Variants in DENND1A observed in about 807,000 individuals in gnomAD.
DENND1A encodes the protein DENN domain-containing protein 1A.
In DENND1A, 51 loss-of-function variants were observed where a neutral mutation model predicts 113.7. The ratio of observed to expected loss-of-function variants is 0.45; its 90% confidence interval spans 0.36 to 0.57. DENND1A has a LOEUF of 0.57. Ranked by LOEUF, DENND1A falls within the 20% of genes least tolerant of loss-of-function variation. The pLI is 0.00. For synonymous variants in DENND1A, 565 were observed against 570.8 expected (o/e 0.99, Z 0.14); for missense variants, 1,258 against 1,395.9 (o/e 0.90, Z 1.57).
At chr9:123,658,902 C>T (rs762883548) in intron 8 of DENND1A, among the ~76,000 whole-genome samples, 6 of 152,176 alleles carry the variant, frequency 3.9e-5, no homozygotes, top group East Asian at 1.9e-4. Context: ...GAGAGAGCCA[C>T]GGAGCCAGGG....
chr9:123,469,961 G>C (rs1049095691), intron 13 of DENND1A, among the ~76,000 whole-genome samples: 2 of 152,210 alleles, frequency 1.3e-5, no homozygotes, highest in African/African-American at 2.4e-5. Flanking sequence ...TTGATTAAGA[G>C]AGGTAATCAC....
In DENND1A at chr9:123,639,039, T is replaced by TAAAAAA. The variant is rs750972974; in HGVS notation, c.619-8569_619-8564dup. 3.3e-3 allele frequency among the ~76,000 whole-genome samples: 105 copies of TAAAAAA among 32,032 alleles called. 1 individual carries two copies. The highest frequency in any genetic ancestry group is 7.7e-3 in the African/African-American group (64 of 8,268). The allele number at this position is 32,032 out of a possible 152,430, so 21.0% of individuals were successfully genotyped here. ...TGAGTTACTAAATTTGCATGAGTAG[T>TAAAAAA]AAAAAAAAAAAAAAAAAAAAAAAAA... On this transcript the variant is annotated intron_variant, in intron 9 of 23. Coordinates refer to ENST00000394215, the MANE Select transcript of DENND1A (RefSeq NM_001352964.2).
chr9:123,604,464 G>A (rs1418224014), intron 11 of DENND1A, among the ~76,000 whole-genome samples: 3 of 152,156 alleles, frequency 2.0e-5, no homozygotes, highest in African/African-American at 7.2e-5. Flanking sequence ...AGAGCCCCTA[G>A]TATAAACATG....
chr9:123,792,277 A>T (rs919191222), intron 3 of DENND1A, among the ~76,000 whole-genome samples: 1 of 152,212 alleles, frequency 6.6e-6, no homozygotes, highest in Non-Finnish European at 1.5e-5. Flanking sequence ...AAAAGTTCAC[A>T]GGCAATGCAA....
intron 1 of DENND1A, among the ~76,000 whole-genome samples, chr9:123,882,339 A>T (rs1848440747): frequency 6.6e-6 from 1 of 150,594 alleles, no homozygotes; most frequent in Admixed American, 6.6e-5. Flanking sequence ...AAAAAAAAAA[A>T]ATCCCATTTG....
intron 1 of DENND1A, among the ~76,000 whole-genome samples, chr9:123,929,270 A>G (rs1365144726): frequency 6.6e-6 from 1 of 152,206 alleles, no homozygotes. Context: ...TCCAACGATT[A>G]TCAAGAGCAG....
chr9:123,413,107 C>T (rs1249755958), intron 19 of DENND1A, among the ~76,000 whole-genome samples: 2 of 152,186 alleles, frequency 1.3e-5, no homozygotes, highest in African/African-American at 4.8e-5. Flanking sequence ...TTGCTTGAAC[C>T]CGGAAGGCGG....
At chr9:123,615,962 C>T (rs1283545464) in intron 10 of DENND1A, among the ~76,000 whole-genome samples, 1 of 152,162 alleles carries the variant, frequency 6.6e-6, no homozygotes, top group Non-Finnish European at 1.5e-5. Context: ...CAGAGTCTTG[C>T]TCTGTTGCCC....
At chr9:123,488,936 G>A (rs2051121602) in intron 13 of DENND1A, among the ~76,000 whole-genome samples, 1 of 152,190 alleles carries the variant, frequency 6.6e-6, no homozygotes, top group Non-Finnish European at 1.5e-5. Context: ...CCAGGCAGGA[G>A]GTCTGCAAAT....
chr9:123,572,992 T>G (rs761434642), intron 12 of DENND1A, among the ~76,000 whole-genome samples: 20 of 152,152 alleles, frequency 1.3e-4, no homozygotes, highest in Non-Finnish European at 2.6e-4. Flanking sequence ...CAAGGCTTCT[T>G]TTTTTTCCAT....
intron 1 of DENND1A, among the ~76,000 whole-genome samples, chr9:123,903,680 G>A (rs145738509): frequency 0.038 from 5,815 of 152,234 alleles, 116 homozygotes; most frequent in Middle Eastern, 0.048. Context: ...AAAAAACGGC[G>A]CACCACGATA....
intron 2 of DENND1A, among the ~76,000 whole-genome samples, chr9:123,807,747 C>T (rs1438282040): frequency 6.6e-6 from 1 of 152,208 alleles, no homozygotes; most frequent in Non-Finnish European, 1.5e-5. Context: ...TCATGGAATG[C>T]CTATTCTGTG....
intron 2 of DENND1A, among the ~76,000 whole-genome samples, chr9:123,862,653 T>C (rs1845208175): frequency 6.6e-6 from 1 of 152,222 alleles, no homozygotes; most frequent in African/African-American, 2.4e-5. Flanking sequence ...CATTTCCATC[T>C]GTAACATAGT....
intron 13 of DENND1A, among the ~76,000 whole-genome samples, chr9:123,550,292 A>G (rs1224206943): frequency 6.6e-6 from 1 of 152,240 alleles, no homozygotes; most frequent in East Asian, 1.9e-4. Flanking sequence ...CCCACCCAGC[A>G]TTCGCTCCCT....
At chr9:123,736,557 C>A (rs57141606) in intron 5 of DENND1A, 3 of 152,102 alleles carry the variant, frequency 2.0e-5, no homozygotes, top group African/African-American at 7.2e-5. Context: ...GATGACAATG[C>A]TGATAATAAG....
At chr9:123,910,329 G>A (rs1478156837) in intron 1 of DENND1A, among the ~76,000 whole-genome samples, 1 of 152,178 alleles carries the variant, frequency 6.6e-6, no homozygotes, top group Non-Finnish European at 1.5e-5. Context: ...ACGTATACCT[G>A]ATTTACAAGA....
At position 123,388,361 on chromosome 9, in the gene DENND1A, TC is replaced by T. The variant is rs201924588; in HGVS notation, c.1632-504del. On this transcript the variant is annotated intron_variant, in intron 21 of 23. Coordinates refer to ENST00000394215, the MANE Select transcript of DENND1A (RefSeq NM_001352964.2). ...GACTGGAAAGGTTCATGGCTAAACGTCAATAACAGCCAGTGGAATCATGGGT... is the reference window on the plus strand; with the variant it reads ...GACTGGAAAGGTTCATGGCTAAACGTAATAACAGCCAGTGGAATCATGGGT... 2.6e-3 allele frequency among the ~76,000 whole-genome samples: 397 copies of T among 152,298 alleles called. 4 individuals carry two copies. In the East Asian group the frequency reaches 0.032, roughly 12 times the overall value.
intron 5 of DENND1A, among the ~76,000 whole-genome samples, chr9:123,713,934 G>A (rs778506209): frequency 1.6e-4 from 24 of 152,134 alleles, no homozygotes; most frequent in Non-Finnish European, 3.2e-4. Context: ...CTTTACATAT[G>A]GAGAGAAGAG....
intron 8 of DENND1A, among the ~76,000 whole-genome samples, chr9:123,659,873 T>G (rs1589555956): frequency 1.3e-5 from 2 of 152,360 alleles, no homozygotes; most frequent in Middle Eastern, 6.8e-3. Flanking sequence ...ATCAAGAGAT[T>G]AATATGCAAA....
Sources: gnomAD v4.1 joint callset for allele counts (sites outside exome capture counted in the v4.1 genomes callset) on GRCh38, gnomAD v4.1.1 for gene constraint, MANE v1.5 for transcripts, NCBI Gene and HGNC (gene_info 2026-07-23, HGNC 2026-07-21) for gene names.